SIAE: variants seen among roughly 807,000 people sequenced by gnomAD.
SIAE encodes the protein sialic acid acetylesterase, also known as sialate O-acetylesterase.
In SIAE, 39 loss-of-function variants were observed where a neutral mutation model predicts 52.6. That is an observed-to-expected ratio of 0.74 (90% CI 0.57 to 0.97). The LOEUF is 0.97. Among genes scored for constraint, SIAE ranks in the 50% least tolerant of loss-of-function variants. The pLI is 0.00. For missense variants in SIAE, 592 were observed against 662.1 expected, an observed-to-expected ratio of 0.89 and a Z score of 1.16; for synonymous variants, 233 against 241.4, an observed-to-expected ratio of 0.97 and a Z score of 0.32.
intron 7 of SIAE, among the ~76,000 whole-genome samples, chr11:124,646,540 G>T (rs868004839): frequency 6.6e-6 from 1 of 151,966 alleles, no homozygotes; most frequent in Non-Finnish European, 1.5e-5. Context: ...GAGAGAGCAC[G>T]GTGGATTCCA....
At chr11:124,652,310 C>G (rs899360473) in intron 4 of SIAE, among the ~76,000 whole-genome samples, 3 of 152,112 alleles carry the variant, frequency 2.0e-5, no homozygotes, top group Non-Finnish European at 4.4e-5. Context: ...GAGAGAGTGT[C>G]CTGGCTCATC....
chr11:124,637,151 T>C lies in SIAE; in HGVS notation c.1372A>G (p.Thr458Ala), dbSNP rs1198757209. Residue 458 changes from threonine (T) to alanine (A), a missense_variant, in exon 10 of 10, where the codon ACC (threonine) becomes GCC (alanine). Physicochemically the swap from Thr to Ala is moderately conservative, Grantham distance 58. Transcript: ENST00000263593. ...AGGGTCAGGGACTGGGTGGAGACGGTGTTCATAGAAGCTGGAAGCCACTTG... is the reference window on the plus strand; with the variant it reads ...AGGGTCAGGGACTGGGTGGAGACGGCGTTCATAGAAGCTGGAAGCCACTTG... ...RCKWLPASMNTVSTQSLTLAI... is the reference protein window; with the variant it reads ...RCKWLPASMNAVSTQSLTLAI... 4 of 1,614,072 alleles carry C rather than the reference T, an allele frequency of 2.5e-6. No individual in the cohort carries two copies. Among genetic ancestry groups the C allele is most frequent in the South Asian group, 1.1e-5 (1 of 91,078 alleles).
intron 4 of SIAE, 104 bp downstream of exon 4, chr11:124,654,551 G>A (rs1033909619): frequency 3.1e-6 from 5 of 1,606,900 alleles, no homozygotes; most frequent in South Asian, 1.1e-5. Context: ...TAAAAGGCAT[G>A]AGTAATAATA....
chr11:124,671,341 T>C (rs1005110886), intron 1 of SIAE, among the ~76,000 whole-genome samples: 1 of 152,154 alleles, frequency 6.6e-6, no homozygotes, highest in African/African-American at 2.4e-5. Context: ...CCTACTATTT[T>C]AAGCATTGGG....
intron 3 of SIAE, among the ~76,000 whole-genome samples, chr11:124,656,821 G>A (rs1565414601): frequency 6.6e-6 from 1 of 152,152 alleles, no homozygotes; most frequent in African/African-American, 2.4e-5. Flanking sequence ...TTGCCTCAGG[G>A]AGCAGGCGCT....
Position 124,639,788 on chromosome 11 carries a change from T to G in SIAE, c.1046A>C (p.Tyr349Ser). The G allele has an allele frequency of 1.2e-6, 2 of 1,614,248 alleles. No individual in the cohort carries two copies. The highest frequency in any genetic ancestry group is 4.5e-5 in the East Asian group (2 of 44,886). ...IRWHQTADFG[Y>S]VPNPKMPNTF... ...ATTGGGCATCTTTGGGTTGGGGACATAGCCGAAGTCTGCTGTTTGATGCCA... is the reference window on the plus strand; with the variant it reads ...ATTGGGCATCTTTGGGTTGGGGACAGAGCCGAAGTCTGCTGTTTGATGCCA... The change falls in exon 8 of 10, where the codon TAT becomes TCT. Residue 349 changes from tyrosine (Y) to serine (S), a missense_variant. Coordinates refer to ENST00000263593, the MANE Select transcript of SIAE (RefSeq NM_170601.5).
chr11:124,669,697 A>G, intron 1 of SIAE, 176 bp from the exon 2 acceptor site: 2 of 669,900 alleles, frequency 3.0e-6, no homozygotes, highest in Non-Finnish European at 5.3e-6. Context: ...CAACATAACA[A>G]GAACAGTTTC....
rs139368903 is a variant in SIAE, at chr11:124,638,160, G to A, written c.1320+382C>T. On this transcript the variant is annotated intron_variant, in intron 9 of 9. Coordinates refer to ENST00000263593, the MANE Select transcript of SIAE (RefSeq NM_170601.5). ...AAACTCAGAAAATGTCAGGATTTAGGAGAGTGTAACAAAAAATACACCCAA... is the reference window on the plus strand; with the variant it reads ...AAACTCAGAAAATGTCAGGATTTAGAAGAGTGTAACAAAAAATACACCCAA... Among the ~76,000 whole-genome samples, 735 of 152,328 alleles carry A rather than the reference G, an allele frequency of 4.8e-3. 8 individuals are homozygous for A. The highest frequency in any genetic ancestry group is 0.017 in the African/African-American group (692 of 41,564).
intron 5 of SIAE, 112 bp from the exon 6 acceptor site, chr11:124,648,287 A>G (rs1942969707): frequency 1.3e-6 from 1 of 765,320 alleles, no homozygotes. Flanking sequence ...GATGAAAGCA[A>G]CACAGAATTA....
intron 4 of SIAE, among the ~76,000 whole-genome samples, chr11:124,653,945 G>A (rs1211303030): frequency 2.0e-5 from 3 of 152,086 alleles, no homozygotes; most frequent in South Asian, 2.1e-4. Context: ...TTGGGAGGCC[G>A]AGGTGGGCGG....
In SIAE at chr11:124,670,867, A is replaced by G. The variant is rs1943342642; in HGVS notation, c.68-1346T>C. 6.6e-6 allele frequency among the ~76,000 whole-genome samples: 1 copy of G among 152,256 alleles called. No homozygotes were observed. The highest frequency in any genetic ancestry group is 2.1e-4 in the South Asian group (1 of 4,836). On this transcript the variant is annotated intron_variant, in intron 1 of 9. Coordinates refer to ENST00000263593, the MANE Select transcript of SIAE (RefSeq NM_170601.5). The surrounding 1 kb of genome is among the most constrained non-coding windows in gnomAD (Gnocchi z 4.5). ...GAGCAAAATGCTCTAAGAAAAGAATACAACGCCCCAGAATTGCATAAGCAG... is the reference window on the plus strand; with the variant it reads ...GAGCAAAATGCTCTAAGAAAAGAATGCAACGCCCCAGAATTGCATAAGCAG...
chr11:124,664,237 C>T (rs1943237743), intron 2 of SIAE, among the ~76,000 whole-genome samples: 1 of 138,924 alleles, frequency 7.2e-6, no homozygotes, highest in African/African-American at 2.6e-5. Context: ...TAGCCTATTT[C>T]TTTTTTTTTT....
intron 4 of SIAE, chr11:124,654,224 G>T (rs114682682): frequency 0.021 from 20,815 of 985,112 alleles, 228 homozygotes; most frequent in Non-Finnish European, 0.022. Flanking sequence ...CATGCTGAAT[G>T]GACTGAGGGG....
intron 7 of SIAE, among the ~76,000 whole-genome samples, chr11:124,640,198 C>T (rs1010486246): frequency 1.1e-4 from 17 of 152,164 alleles, no homozygotes; most frequent in African/African-American, 3.9e-4. Context: ...CCTTATGAGG[C>T]CTTGCCTTCT....
In SIAE at chr11:124,638,548, T is replaced by TA. The variant is rs766840959; in HGVS notation, c.1313dup (p.Phe439IlefsTer2). The TA allele has an allele frequency of 6.2e-7, 1 of 1,614,190 alleles. No homozygotes were observed. The stretch of plus-strand genomic sequence containing the variant: ...ATTCTGCTGTTCTTCTCACCTCAAA[T>TA]ATCTTGTTGTCCTTTTTCTGCACCT... On this transcript the variant is annotated frameshift_variant, in exon 9 of 10. Transcript: ENST00000263593. LOFTEE classifies it low-confidence loss of function (END_TRUNC).
upstream of SIAE, chr11:124,675,581 T>C (rs1355717016): frequency 7.7e-6 from 5 of 652,614 alleles, no homozygotes; most frequent in African/African-American, 7.4e-5. Flanking sequence ...CTCTTTGATA[T>C]GTTCTCTTAA....
chr11:124,662,281 A>T (rs1943196533), intron 2 of SIAE, among the ~76,000 whole-genome samples: 1 of 152,164 alleles, frequency 6.6e-6, no homozygotes, highest in African/African-American at 2.4e-5. Context: ...CACAGGTGTG[A>T]TGTGTTCCAT....
Position 124,636,021 on chromosome 11 carries a change from C to A in SIAE, c.*930G>T, listed in dbSNP as rs1942730534. 1.3e-5 allele frequency: 2 copies of A among 152,058 alleles called. No individual in the cohort carries two copies. Among genetic ancestry groups the A allele is most frequent in the South Asian group, 4.1e-4 (2 of 4,822 alleles). The allele number at this position is 152,058 out of a possible 1,614,324, so 9.4% of individuals were successfully genotyped here. A position where few individuals can be genotyped will look rare whatever the true frequency, so the allele number is the denominator to read the frequency against. ...TCTTCCAAATGGATTATCCTTAAACCTTTTACCTTTAAAGAGCCTGAGATT... is the reference window on the plus strand; with the variant it reads ...TCTTCCAAATGGATTATCCTTAAACATTTTACCTTTAAAGAGCCTGAGATT... On this transcript the variant is annotated 3_prime_UTR_variant, in exon 10 of 10. Transcript: ENST00000263593.
intron 3 of SIAE, among the ~76,000 whole-genome samples, chr11:124,655,525 G>A (rs1335120876): frequency 6.6e-6 from 1 of 152,104 alleles, no homozygotes; most frequent in Non-Finnish European, 1.5e-5. Flanking sequence ...GAACCAAAAA[G>A]GCCGTGGGGA....
Sources: gnomAD v4.1 joint callset for allele counts (sites outside exome capture counted in the v4.1 genomes callset) on GRCh38, gnomAD v4.1.1 for gene constraint, Gnocchi (gnomAD v3.1) non-coding constraint, MANE v1.5 for transcripts, NCBI Gene and HGNC (gene_info 2026-07-23, HGNC 2026-07-21) for gene names.